Variants in RABGAP1L observed in about 807,000 individuals in gnomAD.
The protein encoded by RABGAP1L is RAB GTPase activating protein 1 like.
A neutral mutation model predicts 137.7 loss-of-function variants in RABGAP1L; 63 were observed. That is an observed-to-expected ratio of 0.46 (90% CI 0.37 to 0.56). RABGAP1L has a LOEUF of 0.56. Among genes scored for constraint, RABGAP1L ranks in the 20% least tolerant of loss-of-function variants. The pLI is 0.00. For synonymous variants in RABGAP1L, 431 were observed against 433.7 expected (o/e 0.99, Z 0.08); for missense variants, 1,095 against 1,244.0 (o/e 0.88, Z 1.80).
chr1:174,807,337 T>C (rs1247645919), intron 18 of RABGAP1L, among the ~76,000 whole-genome samples: 7 of 152,208 alleles, frequency 4.6e-5, no homozygotes, highest in African/African-American at 1.7e-4. Flanking sequence ...ATGTACGAAT[T>C]ATGATTGAAA....
At chr1:174,890,649 T>A (rs1280420462) in intron 19 of RABGAP1L, among the ~76,000 whole-genome samples, 1 of 151,990 alleles carries the variant, frequency 6.6e-6, no homozygotes, top group African/African-American at 2.4e-5. Context: ...GTTTTAGTAG[T>A]TTTTTTTAGA....
intron 1 of RABGAP1L, among the ~76,000 whole-genome samples, chr1:174,200,228 G>A (rs560931021): frequency 6.6e-6 from 1 of 152,178 alleles, no homozygotes; most frequent in East Asian, 1.9e-4. Flanking sequence ...ACTACAAAAG[G>A]ATCTATATGA....
intron 18 of RABGAP1L, among the ~76,000 whole-genome samples, chr1:174,797,418 T>C (rs186913451): frequency 6.6e-6 from 1 of 151,940 alleles, no homozygotes; most frequent in Admixed American, 6.6e-5. Flanking sequence ...AACACCAGTA[T>C]ATATACAAGG....
chr1:174,848,455 C>G (rs1647442763), intron 19 of RABGAP1L, among the ~76,000 whole-genome samples: 1 of 147,196 alleles, frequency 6.8e-6, no homozygotes, highest in South Asian at 2.1e-4. Flanking sequence ...CAGACAGGAC[C>G]CTCAGCTGCA....
chr1:174,615,620 G>A (rs1671758834), intron 13 of RABGAP1L, among the ~76,000 whole-genome samples: 1 of 152,228 alleles, frequency 6.6e-6, no homozygotes, highest in South Asian at 2.1e-4. Flanking sequence ...GTCAGACAGG[G>A]ACATTTAAGT....
intron 13 of RABGAP1L, among the ~76,000 whole-genome samples, chr1:174,622,189 A>G (rs955781547): frequency 6.6e-6 from 1 of 152,228 alleles, no homozygotes; most frequent in Non-Finnish European, 1.5e-5. Flanking sequence ...GTGATCATTA[A>G]AAAGTCAGGA....
rs143893826 is a variant in RABGAP1L at position 174,538,618 on chromosome 1, A to G, written c.1711-98757A>G. On this transcript the variant is annotated intron_variant, in intron 13 of 25. Coordinates refer to ENST00000681986, the MANE Select transcript of RABGAP1L (RefSeq NM_001366446.1). ...TATGACTTAGTTTTTTTTAACCCAC[A>G]AGGTGGTTATAATGATATTTCACTG... Among the ~76,000 whole-genome samples the G allele has an allele frequency of 1.7e-3, 257 of 152,184 alleles. 1 individual carries two copies. The highest frequency in any genetic ancestry group is 5.7e-3 in the African/African-American group (235 of 41,506).
chr1:174,491,968 G>C (rs1470765633), intron 13 of RABGAP1L, among the ~76,000 whole-genome samples: 1 of 152,156 alleles, frequency 6.6e-6, no homozygotes, highest in African/African-American at 2.4e-5. Context: ...GGGAATGATT[G>C]TGTTGGCAGT....
chr1:174,850,328 C>T (rs1648074898), intron 19 of RABGAP1L, among the ~76,000 whole-genome samples: 1 of 152,148 alleles, frequency 6.6e-6, no homozygotes, highest in African/African-American at 2.4e-5. Context: ...TCAGTCTTCC[C>T]AAATACATAT....
chr1:174,473,583 T>C (rs540251625), intron 13 of RABGAP1L, among the ~76,000 whole-genome samples: 5 of 152,302 alleles, frequency 3.3e-5, no homozygotes, highest in Admixed American at 2.6e-4. Context: ...TGCTAGTTAA[T>C]AGAAAGATAG....
At chr1:174,892,896 A>ATTTTTTTTTTTTTTTTTT (rs748971722) in intron 19 of RABGAP1L, among the ~76,000 whole-genome samples, 4 of 91,870 alleles carry the variant, frequency 4.4e-5, no homozygotes, top group African/African-American at 9.9e-5. Context: ...CACCCAGCTA[A>ATTTTTTTTTTTTTTTTTT]TTTTTTTTTT....
At position 174,347,216 on chromosome 1, in the gene RABGAP1L, T is replaced by A. The variant is rs1682513831; in HGVS notation, c.1466-23763T>A. Among the ~76,000 whole-genome samples, 4 of 152,184 alleles carry A rather than the reference T, an allele frequency of 2.6e-5. No homozygotes were observed. In the South Asian group the frequency reaches 8.3e-4, roughly 32 times the overall value. On this transcript the variant is annotated intron_variant, in intron 11 of 25. Coordinates refer to ENST00000681986, the MANE Select transcript of RABGAP1L (RefSeq NM_001366446.1). ...GCCACTGGATCAAATGTTCTACAAA[T>A]GTCTGTTAGGTCTATTTGGACTGTG...
intron 13 of RABGAP1L, among the ~76,000 whole-genome samples, chr1:174,443,117 T>C (rs1409469514): frequency 6.6e-6 from 1 of 152,118 alleles, no homozygotes; most frequent in Non-Finnish European, 1.5e-5. Flanking sequence ...CACCTGTTCA[T>C]GTCTTGATGG....
chr1:174,558,116 A>T lies in RABGAP1L; in HGVS notation c.1711-79259A>T, dbSNP rs908994557. ...AGTTTCCCTTGAAAATTGAAGAGAG[A>T]AAAATTTTAAGTCATCAGATAAAGG... On this transcript the variant is annotated intron_variant, in intron 13 of 25. Transcript: ENST00000681986. Among the ~76,000 whole-genome samples, 6 of 152,240 alleles carry T rather than the reference A, an allele frequency of 3.9e-5. No individual in the cohort carries two copies. The East Asian group carries it at 1.2e-3, about 29-fold the overall frequency.
At chr1:174,846,063 G>T (rs1048473685) in intron 19 of RABGAP1L, among the ~76,000 whole-genome samples, 32 of 150,920 alleles carry the variant, frequency 2.1e-4, no homozygotes, top group African/African-American at 7.1e-4. Context: ...CTGTGGGATC[G>T]GTGGTGATAT....
rs528499955 is a variant in RABGAP1L, at chr1:174,600,980, C to G, written c.1711-36395C>G. ...GCCCCACCCTGAAGCAAACTTTTGTCTGGGCATCCAGGCATTTCCATACAT... is the reference window on the plus strand; with the variant it reads ...GCCCCACCCTGAAGCAAACTTTTGTGTGGGCATCCAGGCATTTCCATACAT... On this transcript the variant is annotated intron_variant, in intron 13 of 25. Coordinates refer to ENST00000681986, the MANE Select transcript of RABGAP1L (RefSeq NM_001366446.1). 1.9e-3 allele frequency among the ~76,000 whole-genome samples: 284 copies of G among 152,334 alleles called. 3 individuals are homozygous for G. The highest frequency in any genetic ancestry group is 2.2e-4 in the Non-Finnish European group (15 of 68,030).
intron 13 of RABGAP1L, among the ~76,000 whole-genome samples, chr1:174,610,811 A>G (rs1262368864): frequency 2.6e-5 from 4 of 152,088 alleles, no homozygotes; most frequent in Non-Finnish European, 5.9e-5. Context: ...GCCAGTGATG[A>G]TGAGCATTTT....
intron 13 of RABGAP1L, among the ~76,000 whole-genome samples, chr1:174,561,764 G>A (rs7542775): frequency 8.5e-5 from 13 of 152,054 alleles, no homozygotes; most frequent in East Asian, 5.8e-4. Context: ...GAAAGATTCC[G>A]TATTTAATAA....
At chr1:174,447,999 A>T (rs1423514138) in intron 13 of RABGAP1L, 1 of 830,614 alleles carries the variant, frequency 1.2e-6, no homozygotes, top group African/African-American at 1.7e-5. Context: ...AGAAGCACTG[A>T]CACTGTCTAC....
Sources: allele counts gnomAD v4.1 joint callset (sites outside exome capture counted in the v4.1 genomes callset), GRCh38; gene constraint gnomAD v4.1.1; transcripts MANE v1.5; gene names NCBI Gene and HGNC (gene_info 2026-07-23, HGNC 2026-07-21).